ADGRL3: variants seen among roughly 807,000 people sequenced by gnomAD.
ADGRL3 encodes calcium-independent alpha-latrotoxin receptor 3.
Under a neutral mutation model 153.5 loss-of-function variants are expected in ADGRL3, and 62 were observed. The ratio of observed to expected loss-of-function variants is 0.40; its 90% CI spans 0.33 to 0.50. ADGRL3 has a LOEUF of 0.50. ADGRL3 is among the 20% of genes least tolerant of loss of function. The pLI is 0.47. For synonymous variants in ADGRL3, 710 were observed against 672.5 expected (o/e 1.06, Z -0.86); for missense variants, 1,641 against 1,859.4 (o/e 0.88, Z 2.16).
At position 61,733,394 on chromosome 4, in the gene ADGRL3, T is replaced by C. The variant is rs1002926677; in HGVS notation, c.1239T>C (p.Thr413=). 4 of 1,613,672 alleles carry C rather than the reference T, an allele frequency of 2.5e-6. No individual in the cohort carries two copies. In the African/African-American group the frequency reaches 5.3e-5, roughly 22 times the overall value. The change falls in exon 8 of 27, where the codon ACT becomes ACC. Residue 413 remains threonine, a synonymous_variant. Transcript: ENST00000683033. ...ATAAGATTGACTACATTTACAACAC[T>C]GACCAAAGCAAGGATAGTTTGGTGG... ...TGNKIDYIYN[T]DQSKDSLVDV... is the part of the protein sequence containing the mutation.
At chr4:61,667,946 C>T (rs1440068047) in intron 5 of ADGRL3, among the ~76,000 whole-genome samples, 1 of 152,158 alleles carries the variant, frequency 6.6e-6, no homozygotes, top group African/African-American at 2.4e-5. Context: ...CCCCAAGAGA[C>T]ACTGTTTTCA....
At chr4:61,256,115 C>A (rs897068289) in intron 1 of ADGRL3, among the ~76,000 whole-genome samples, 11 of 152,124 alleles carry the variant, frequency 7.2e-5, no homozygotes, top group African/African-American at 2.4e-4. Flanking sequence ...AAAAAGTTTT[C>A]ATTTCTCAAA....
chr4:62,061,691 C>T (rs766737519), intron 25 of ADGRL3, among the ~76,000 whole-genome samples: 5 of 151,984 alleles, frequency 3.3e-5, no homozygotes, highest in Non-Finnish European at 5.9e-5. Context: ...GAACATTACA[C>T]GTATAAATGG....
Position 61,691,932 on chromosome 4 carries a change from G to A in ADGRL3, c.583+14997G>A, listed in dbSNP as rs564379463. On this transcript the variant is annotated intron_variant, in intron 6 of 26. Transcript: ENST00000683033. ...GATGCAAATTAATCATTAAACACTA[G>A]CAGCTCATTTTCTGATTGGAGTGGA... 3.3e-5 allele frequency among the ~76,000 whole-genome samples: 5 copies of A among 152,170 alleles called. No homozygotes were observed. The South Asian group carries it at 8.3e-4, about 25-fold the overall frequency.
intron 23 of ADGRL3, among the ~76,000 whole-genome samples, chr4:62,035,296 C>G (rs185678652): frequency 6.6e-6 from 1 of 151,854 alleles, no homozygotes; most frequent in Non-Finnish European, 1.5e-5. Context: ...TGCAAATAGC[C>G]CACGATGAAT....
At chr4:61,362,716 T>C (rs981132184) in intron 1 of ADGRL3, among the ~76,000 whole-genome samples, 1 of 152,190 alleles carries the variant, frequency 6.6e-6, no homozygotes, top group African/African-American at 2.4e-5. Flanking sequence ...AGAGTAGGGC[T>C]GTTCTTACTG....
At chr4:61,668,653 C>A (rs2094885738) in intron 5 of ADGRL3, among the ~76,000 whole-genome samples, 1 of 152,106 alleles carries the variant, frequency 6.6e-6, no homozygotes, top group South Asian at 2.1e-4. Context: ...CATTTACATG[C>A]ATTGGCATAA....
At chr4:61,745,314 A>G (rs1051235468) in intron 8 of ADGRL3, among the ~76,000 whole-genome samples, 3 of 152,202 alleles carry the variant, frequency 2.0e-5, no homozygotes, top group African/African-American at 7.2e-5. Context: ...AACTTCCCCA[A>G]TCTAGCAAGG....
intron 24 of ADGRL3, among the ~76,000 whole-genome samples, chr4:62,040,733 A>G (rs896336455): frequency 2.0e-5 from 3 of 152,110 alleles, no homozygotes; most frequent in African/African-American, 7.2e-5. Flanking sequence ...AAACGTATTA[A>G]TAACAAACAA....
chr4:62,015,023 A>G (rs1459810482), intron 21 of ADGRL3, among the ~76,000 whole-genome samples: 1 of 152,220 alleles, frequency 6.6e-6, no homozygotes, highest in Non-Finnish European at 1.5e-5. Flanking sequence ...AAAGTGCTGA[A>G]AGTATACAAG....
At chr4:61,419,584 C>A (rs1196210689) in intron 2 of ADGRL3, among the ~76,000 whole-genome samples, 2 of 152,100 alleles carry the variant, frequency 1.3e-5, no homozygotes, top group South Asian at 2.1e-4. Context: ...CCCCGAGTAC[C>A]CACACAGACT....
intron 8 of ADGRL3, among the ~76,000 whole-genome samples, chr4:61,789,626 A>C (rs987007345): frequency 6.6e-6 from 1 of 152,180 alleles, no homozygotes. Flanking sequence ...GGCAAGTTTG[A>C]AATTTAAGTA....
At chr4:61,535,072 T>A (rs2098646744) in intron 4 of ADGRL3, among the ~76,000 whole-genome samples, 2 of 151,380 alleles carry the variant, frequency 1.3e-5, no homozygotes, top group Admixed American at 6.6e-5. Flanking sequence ...TGGCCATTAG[T>A]TTGTCATATA....
At chr4:61,316,469 T>C (rs956230859) in intron 1 of ADGRL3, among the ~76,000 whole-genome samples, 3 of 152,182 alleles carry the variant, frequency 2.0e-5, no homozygotes, top group Non-Finnish European at 4.4e-5. Flanking sequence ...TAAAAGTAAT[T>C]GCAAAAACCG....
intron 21 of ADGRL3, among the ~76,000 whole-genome samples, chr4:61,998,535 C>T (rs763514921): frequency 6.6e-6 from 1 of 151,300 alleles, no homozygotes; most frequent in Non-Finnish European, 1.5e-5. Context: ...GTCCTGAAAA[C>T]AAGCACAACG....
intron 8 of ADGRL3, among the ~76,000 whole-genome samples, chr4:61,741,763 G>A (rs1218740869): frequency 6.6e-6 from 1 of 152,234 alleles, no homozygotes; most frequent in Non-Finnish European, 1.5e-5. Context: ...TGAACCTAGT[G>A]TTTGTTATTC....
At chr4:61,238,998 T>C (rs749690170) in intron 1 of ADGRL3, among the ~76,000 whole-genome samples, 6 of 152,130 alleles carry the variant, frequency 3.9e-5, no homozygotes, top group Non-Finnish European at 7.4e-5. Context: ...TTGTGGGCAT[T>C]ATGTAAGTTT....
At chr4:61,749,067 C>G (rs1428594643) in intron 8 of ADGRL3, among the ~76,000 whole-genome samples, 25 of 151,892 alleles carry the variant, frequency 1.6e-4, no homozygotes, top group Non-Finnish European at 2.4e-4. Context: ...ACAGACACTT[C>G]TCAAAAGAAG....
chr4:61,959,179 C>A (rs1465665116), intron 17 of ADGRL3, among the ~76,000 whole-genome samples: 2 of 152,136 alleles, frequency 1.3e-5, no homozygotes, highest in African/African-American at 2.4e-5. Flanking sequence ...TCTTTTGTAA[C>A]CCCCTTTGTG....
Sources: allele counts gnomAD v4.1 joint callset (sites outside exome capture counted in the v4.1 genomes callset), GRCh38; gene constraint gnomAD v4.1.1; transcripts MANE v1.5; gene names NCBI Gene and HGNC (gene_info 2026-07-23, HGNC 2026-07-21).